HEATR5A: variants seen among roughly 807,000 people sequenced by gnomAD.
HEATR5A encodes the protein HEAT repeat containing 5A, also known as HEAT repeat-containing protein 5A.
Under a neutral mutation model 218.8 loss-of-function variants are expected in HEATR5A, and 178 were observed. The ratio of observed to expected loss-of-function variants is 0.81; its 90% CI spans 0.72 to 0.92. HEATR5A has a LOEUF of 0.92. Among genes scored for constraint, HEATR5A ranks in the 40% least tolerant of loss-of-function variants. The pLI is 0.00. For missense variants in HEATR5A, 2,420 were observed against 2,418.9 expected (o/e 1.00, Z -0.01); for synonymous variants, 864 against 871.6 (o/e 0.99, Z 0.15).
At chr14:31,358,848 C>T (rs759126515) in intron 15 of HEATR5A, 36 bp from the exon 16 acceptor site, 3 of 1,608,818 alleles carry the variant, frequency 1.9e-6, no homozygotes, top group African/African-American at 2.7e-5. Context: ...GTTTTAAAAT[C>T]ACTGATCACA....
chr14:31,295,128 C>T (rs1899135977), intron 34 of HEATR5A, among the ~76,000 whole-genome samples: 1 of 151,932 alleles, frequency 6.6e-6, no homozygotes, highest in Non-Finnish European at 1.5e-5. Context: ...CCTAGAGGCA[C>T]ATAAAAAATA....
chr14:31,370,550 T>C (rs78850690), intron 13 of HEATR5A, among the ~76,000 whole-genome samples: 4,818 of 152,280 alleles, frequency 0.032, 97 homozygotes, highest in Non-Finnish European at 0.051. Flanking sequence ...TTTCTGAAGT[T>C]GAACATAAAA....
Position 31,388,937 on chromosome 14 carries a change from G to C in HEATR5A, c.841C>G (p.Leu281Val). Reference sequence around the variant, plus strand: ...CGAAGGAATCCTGAACTCCCACGTAGAAACCCTGTTCCTAGTAATTCCAGA... The same window carrying C: ...CGAAGGAATCCTGAACTCCCACGTACAAACCCTGTTCCTAGTAATTCCAGA... ...EVLELLGTGF[L>V]RGSSGFLRAS... Residue 281 changes from leucine to valine, a missense_variant, in exon 7 of 36, where the codon CTA (leucine) becomes GTA (valine). Leu to Val is a conservative substitution (Grantham distance 32). Coordinates refer to ENST00000543095, the MANE Select transcript of HEATR5A (RefSeq NM_015473.4). 3 of 1,613,724 alleles carry C rather than the reference G, an allele frequency of 1.9e-6. No individual in the cohort carries two copies. The South Asian group carries it at 3.3e-5, about 18-fold the overall frequency.
chr14:31,394,711 A>G lies in HEATR5A; in HGVS notation c.598-485T>C, dbSNP rs1377257526. ...CAGGCACCTGTAGTCCTGGCTACTC[A>G]GGAGGCTGAGGCAGGAGAATGGCGT... On this transcript the variant is annotated intron_variant, in intron 5 of 35. Transcript: ENST00000543095. Among the ~76,000 whole-genome samples the G allele has an allele frequency of 7.2e-5, 11 of 152,132 alleles. No homozygotes were observed. The East Asian group carries it at 1.9e-3, about 27-fold the overall frequency.
intron 2 of HEATR5A, 30 bp downstream of exon 2, chr14:31,402,817 AAAC>A: frequency 6.5e-7 from 1 of 1,534,030 alleles, no homozygotes; most frequent in South Asian, 1.2e-5. Context: ...ATGGGCACTT[AAAC>A]AAAAAAACAG....
chr14:31,365,687 C>G (rs1186791542), intron 13 of HEATR5A, among the ~76,000 whole-genome samples: 1 of 147,694 alleles, frequency 6.8e-6, no homozygotes, highest in Admixed American at 6.7e-5. Flanking sequence ...GTTGTCGAGA[C>G]AGGGTCTTGC....
chr14:31,356,926 T>A (rs1183403567), intron 16 of HEATR5A, among the ~76,000 whole-genome samples: 1 of 152,232 alleles, frequency 6.6e-6, no homozygotes, highest in Admixed American at 6.5e-5. Context: ...TTTAAATCCT[T>A]TGCTTAAAAG....
At chr14:31,396,481 A>G (rs2030658130) in intron 4 of HEATR5A, among the ~76,000 whole-genome samples, 1 of 152,200 alleles carries the variant, frequency 6.6e-6, no homozygotes, top group Non-Finnish European at 1.5e-5. Context: ...TGCTTATTTT[A>G]TTAATGTTTT....
intron 1 of HEATR5A, among the ~76,000 whole-genome samples, chr14:31,403,580 A>C (rs2030953710): frequency 6.6e-6 from 1 of 152,210 alleles, no homozygotes; most frequent in Non-Finnish European, 1.5e-5. Flanking sequence ...CATTGCTTAT[A>C]GTTTCAGGCT....
At chr14:31,364,006 TG>T (rs1164419075) in intron 14 of HEATR5A, among the ~76,000 whole-genome samples, 182 bp downstream of exon 14, 8 of 152,116 alleles carry the variant, frequency 5.3e-5, no homozygotes, top group Non-Finnish European at 1.2e-4. Context: ...AAACCCCGAA[TG>T]TTTTTTTTAC....
At chr14:31,319,180 C>T (rs1395058975) in intron 25 of HEATR5A, among the ~76,000 whole-genome samples, 1 of 151,910 alleles carries the variant, frequency 6.6e-6, no homozygotes, top group African/African-American at 2.4e-5. Context: ...GAGACAAAGT[C>T]TCACTCTTGT....
chr14:31,296,121 G>A (rs1249051452), intron 33 of HEATR5A, 58 bp from the exon 34 acceptor site: 2 of 1,422,242 alleles, frequency 1.4e-6, no homozygotes, highest in Admixed American at 3.8e-5. Context: ...ATACCTGTGT[G>A]AAGCTGTCTT....
intron 5 of HEATR5A, 35 bp from the exon 6 acceptor site, chr14:31,394,261 TAA>T: frequency 7.4e-7 from 1 of 1,351,658 alleles, no homozygotes; most frequent in Non-Finnish European, 9.8e-7. Context: ...TAATGAAAAA[TAA>T]AATACAAATG....
chr14:31,365,417 G>A (rs569541042), intron 13 of HEATR5A, among the ~76,000 whole-genome samples: 1 of 151,958 alleles, frequency 6.6e-6, no homozygotes, highest in East Asian at 2.0e-4. Flanking sequence ...CTGGAGTGCA[G>A]TGACGCGATC....
chr14:31,348,549 C>T (rs1901096620), intron 18 of HEATR5A, among the ~76,000 whole-genome samples: 1 of 152,202 alleles, frequency 6.6e-6, no homozygotes, highest in African/African-American at 2.4e-5. Flanking sequence ...CACCACTGTA[C>T]TCCAACCTGG....
At chr14:31,370,011 G>A (rs1170237902) in intron 13 of HEATR5A, among the ~76,000 whole-genome samples, 4 of 151,678 alleles carry the variant, frequency 2.6e-5, no homozygotes, top group Non-Finnish European at 4.4e-5. Flanking sequence ...GGCGGATAAC[G>A]GTCAGGAGAT....
At chr14:31,355,231 T>C (rs928294377) in intron 16 of HEATR5A, among the ~76,000 whole-genome samples, 2 of 152,014 alleles carry the variant, frequency 1.3e-5, no homozygotes, top group African/African-American at 4.8e-5. Context: ...CTGGCCAACA[T>C]GGCGAAAGCC....
At chr14:31,352,819 G>T (rs539762009) in intron 16 of HEATR5A, among the ~76,000 whole-genome samples, 3 of 151,976 alleles carry the variant, frequency 2.0e-5, no homozygotes, top group South Asian at 4.1e-4. Context: ...CTAGCCAGGC[G>T]TGGTGGCATG....
intron 13 of HEATR5A, among the ~76,000 whole-genome samples, chr14:31,370,151 G>A (rs529064595): frequency 1.1e-3 from 171 of 151,956 alleles, no homozygotes; most frequent in Non-Finnish European, 2.2e-3. Flanking sequence ...GTGTGAACCC[G>A]GGAGGCGGAG....
Sources: allele counts gnomAD v4.1 joint callset (sites outside exome capture counted in the v4.1 genomes callset), GRCh38; gene constraint gnomAD v4.1.1; transcripts MANE v1.5; gene names NCBI Gene and HGNC (gene_info 2026-07-23, HGNC 2026-07-21).